Variants in ADGRG6 observed in about 807,000 individuals in gnomAD.
The protein encoded by ADGRG6 is G-protein coupled receptor 126.
In ADGRG6, 84 loss-of-function variants were observed where a neutral mutation model predicts 142.4. The observed-to-expected ratio is 0.59, with a 90% CI of 0.49 to 0.71. ADGRG6 has a LOEUF of 0.71. ADGRG6 is among the 30% of genes least tolerant of loss of function. The pLI is 0.00. For synonymous variants in ADGRG6, 521 were observed against 520.5 expected (o/e 1.00, Z -0.01); for missense variants, 1,367 against 1,466.6 (o/e 0.93, Z 1.11).
At chr6:142,358,684 A>T (rs1788368567) in intron 2 of ADGRG6, among the ~76,000 whole-genome samples, 1 of 152,104 alleles carries the variant, frequency 6.6e-6, no homozygotes, top group Non-Finnish European at 1.5e-5. Context: ...AGGAGGGCGG[A>T]TCATGAGGTC....
At chr6:142,387,391 C>T (rs913403414) in intron 6 of ADGRG6, among the ~76,000 whole-genome samples, 1 of 152,208 alleles carries the variant, frequency 6.6e-6, no homozygotes, top group Non-Finnish European at 1.5e-5. Context: ...TCCAGTTTCT[C>T]ACATACGTTT....
At chr6:142,331,274 T>TC (rs1779046172) in intron 2 of ADGRG6, among the ~76,000 whole-genome samples, 1 of 152,010 alleles carries the variant, frequency 6.6e-6, no homozygotes, top group Non-Finnish European at 1.5e-5. Flanking sequence ...TCACTGCCCC[T>TC]CCCCTCTGAA....
intron 2 of ADGRG6, among the ~76,000 whole-genome samples, chr6:142,330,558 G>C (rs1779004755): frequency 6.6e-6 from 1 of 152,166 alleles, no homozygotes; most frequent in Non-Finnish European, 1.5e-5. Flanking sequence ...TTTAGATTCA[G>C]AGATTTCTGT....
chr6:142,357,370 T>C (rs1780496321), intron 2 of ADGRG6, among the ~76,000 whole-genome samples: 1 of 152,184 alleles, frequency 6.6e-6, no homozygotes. Context: ...ATTAGATGGA[T>C]AGCATATTTA....
chr6:142,311,093 C>T (rs1485665370), intron 2 of ADGRG6, among the ~76,000 whole-genome samples: 1 of 151,694 alleles, frequency 6.6e-6, no homozygotes, highest in Non-Finnish European at 1.5e-5. Context: ...ATAAATGAAG[C>T]ACATGTTTTT....
intron 22 of ADGRG6, among the ~76,000 whole-genome samples, chr6:142,427,117 C>T (rs1454772316): frequency 6.6e-6 from 1 of 152,208 alleles, no homozygotes; most frequent in Non-Finnish European, 1.5e-5. Flanking sequence ...ATTTCTGCAG[C>T]TGGCTTAAAT....
intron 2 of ADGRG6, among the ~76,000 whole-genome samples, chr6:142,330,074 C>T (rs943726677): frequency 2.0e-5 from 3 of 150,902 alleles, no homozygotes; most frequent in Admixed American, 6.6e-5. Flanking sequence ...TTTTTTTTGC[C>T]ACTGCAATTT....
chr6:142,327,784 TA>T (rs1778850744), intron 2 of ADGRG6, among the ~76,000 whole-genome samples: 1 of 152,176 alleles, frequency 6.6e-6, no homozygotes, highest in Non-Finnish European at 1.5e-5. Context: ...TGACTCATTG[TA>T]ATGATCAGTA....
In ADGRG6 at chr6:142,400,186, C is replaced by T. The variant is rs79252089; in HGVS notation, c.1568-299C>T. Reference sequence around the variant, plus strand: ...TTATTTCTTTGAATAAAACTAGTATCTGCTAATGATTAGAATGATAATGTA... The same window carrying T: ...TTATTTCTTTGAATAAAACTAGTATTTGCTAATGATTAGAATGATAATGTA... On this transcript the variant is annotated intron_variant, in intron 10 of 24. Transcript: ENST00000367609. Among the ~76,000 whole-genome samples the T allele has an allele frequency of 7.6e-3, 1,164 of 152,232 alleles. 13 individuals are homozygous for T. The highest frequency in any genetic ancestry group is 0.027 in the African/African-American group (1,111 of 41,530).
intron 24 of ADGRG6, chr6:142,441,029 A>G: frequency 1.5e-6 from 1 of 675,246 alleles, no homozygotes; most frequent in Non-Finnish European, 2.4e-6. Context: ...GATTAAGCTA[A>G]GATTCTTGCT....
intron 2 of ADGRG6, among the ~76,000 whole-genome samples, chr6:142,332,201 A>G (rs1274346541): frequency 6.6e-6 from 1 of 152,118 alleles, no homozygotes; most frequent in Non-Finnish European, 1.5e-5. Context: ...TATGTAGTAT[A>G]TTATTGGTTC....
At chr6:142,406,264 T>C (rs572470504) in intron 15 of ADGRG6, among the ~76,000 whole-genome samples, 1 of 152,196 alleles carries the variant, frequency 6.6e-6, no homozygotes. Flanking sequence ...TAATCAGTTT[T>C]CCCATTAGTA....
At chr6:142,338,122 G>A (rs1365233185) in intron 2 of ADGRG6, among the ~76,000 whole-genome samples, 4 of 141,698 alleles carry the variant, frequency 2.8e-5, no homozygotes, top group Non-Finnish European at 4.5e-5. Context: ...CCGGGTTCAC[G>A]CCATTCTCCT....
At chr6:142,433,187 A>G (rs1227706488) in intron 22 of ADGRG6, among the ~76,000 whole-genome samples, 1 of 152,216 alleles carries the variant, frequency 6.6e-6, no homozygotes, top group East Asian at 1.9e-4. Flanking sequence ...ACATAGAGTA[A>G]GCTGAGACAA....
chr6:142,373,014 C>T (rs1781327706), intron 4 of ADGRG6, among the ~76,000 whole-genome samples: 1 of 152,156 alleles, frequency 6.6e-6, no homozygotes, highest in African/African-American at 2.4e-5. Flanking sequence ...TCATTTTAAG[C>T]ACTTAACACA....
Position 142,402,831 on chromosome 6 carries a change from G to A in ADGRG6, c.1955+1G>A. ...GTGACTTGCTTGAGTCATCTTCTGAGTAAGTATTTTTTTTTTCCTGGAGAG... is the reference window on the plus strand; with the variant it reads ...GTGACTTGCTTGAGTCATCTTCTGAATAAGTATTTTTTTTTTCCTGGAGAG... On this transcript the variant is annotated splice_donor_variant, in intron 13 of 24. Transcript: ENST00000367609. LOFTEE classifies it high-confidence loss of function. 6.6e-7 allele frequency: 1 copy of A among 1,518,044 alleles called. No individual in the cohort carries two copies. Among genetic ancestry groups the A allele is most frequent in the Non-Finnish European group, 9.0e-7 (1 of 1,115,286 alleles). The allele number at this position is 1,518,044 out of a possible 1,614,324, so 94.0% of individuals were successfully genotyped here.
intron 17 of ADGRG6, 90 bp from the exon 18 acceptor site, chr6:142,411,215 C>A: frequency 1.3e-6 from 1 of 745,838 alleles, no homozygotes; most frequent in South Asian, 1.5e-5. Flanking sequence ...GCAGAAGAGA[C>A]TGAGGCAAAT....
At chr6:142,399,836 G>A (rs1039116140) in intron 10 of ADGRG6, among the ~76,000 whole-genome samples, 1 of 152,220 alleles carries the variant, frequency 6.6e-6, no homozygotes, top group East Asian at 1.9e-4. Flanking sequence ...TGTTGTTGAC[G>A]TATTGCTGTT....
chr6:142,379,664 G>A (rs1420058429), intron 4 of ADGRG6, among the ~76,000 whole-genome samples: 2 of 152,198 alleles, frequency 1.3e-5, no homozygotes, highest in Non-Finnish European at 1.5e-5. Flanking sequence ...CTACTCGGGA[G>A]GCTGAGGCAG....
Sources: allele counts gnomAD v4.1 joint callset (sites outside exome capture counted in the v4.1 genomes callset), GRCh38; gene constraint gnomAD v4.1.1; transcripts MANE v1.5; gene names NCBI Gene and HGNC (gene_info 2026-07-23, HGNC 2026-07-21).